Variants in CRISP2 observed in about 807,000 individuals in gnomAD.
The protein encoded by CRISP2 is cysteine rich secretory protein 2, also known as cysteine-rich secretory protein 2.
A neutral mutation model predicts 31.7 loss-of-function variants in CRISP2; 29 were observed. The observed-to-expected ratio is 0.92, with a 90% CI of 0.68 to 1.25. The LOEUF (loss-of-function observed/expected upper bound fraction) is 1.25. CRISP2 is among the 50% of genes most tolerant of loss of function. CRISP2 has a pLI of 0.00. For synonymous variants in CRISP2, 111 were observed against 101.4 expected (o/e 1.09, Z -0.57); for missense variants, 318 against 286.5 (o/e 1.11, Z -0.79).
chr6:49,681,539 A>G, the CRISP2 span, among the ~76,000 whole-genome samples: 1 of 152,342 alleles, frequency 6.6e-6, no homozygotes, highest in African/African-American at 2.4e-5. Context: ...GTGGGCAATA[A>G]CATATAGATT....
At chr6:49,688,879 T>C (rs978123394), downstream of CRISP2, among the ~76,000 whole-genome samples, 2 of 152,154 alleles carry the variant, frequency 1.3e-5, no homozygotes, top group African/African-American at 4.8e-5. Flanking sequence ...CTTTTATTTT[T>C]TTGGGGGGGA....
chr6:49,706,005 A>G lies in CRISP2; in HGVS notation c.66+3126T>C, dbSNP rs527713810. Among the ~76,000 whole-genome samples the G allele has an allele frequency of 1.0e-3, 158 of 152,298 alleles. 2 individuals carry two copies. The highest frequency in any genetic ancestry group is 3.6e-3 in the African/African-American group (150 of 41,570). On this transcript the variant is annotated intron_variant, in intron 4 of 9. Transcript: ENST00000339139. ...AAAAGTTCATGATGTGAATCTCCAC[A>G]TATTGTTCTGTTTATCCAAGTGGCA...
the CRISP2 span, among the ~76,000 whole-genome samples, chr6:49,677,056 C>A: frequency 6.6e-6 from 1 of 152,022 alleles, no homozygotes; most frequent in Non-Finnish European, 1.5e-5. Flanking sequence ...AGGAAGAGGA[C>A]GAAAGGGCAA....
intron 9 of CRISP2, among the ~76,000 whole-genome samples, chr6:49,695,100 G>A (rs1764531341): frequency 6.6e-6 from 1 of 152,112 alleles, no homozygotes; most frequent in Admixed American, 6.6e-5. Context: ...CAGTGATGGT[G>A]TCAACTTTAT....
intron 4 of CRISP2, among the ~76,000 whole-genome samples, chr6:49,708,395 G>C (rs756272769): frequency 6.6e-6 from 1 of 152,160 alleles, no homozygotes; most frequent in Admixed American, 6.5e-5. Context: ...AAAAGTCTTC[G>C]CAGATGTAAT....
Position 49,709,118 on chromosome 6 carries a change from AT to A in CRISP2, c.66+12del. On this transcript the variant is annotated intron_variant, in intron 4 of 9. Coordinates refer to ENST00000339139, the MANE Select transcript of CRISP2 (RefSeq NM_003296.4). ...CTGGATAGCTCTGAAAAGATTTTCC[AT>A]TTTAACCTTACCTTTCCTTCTGCAG... 4 of 1,612,976 alleles carry A rather than the reference AT, an allele frequency of 2.5e-6. No homozygotes were observed. Among genetic ancestry groups the A allele is most frequent in the Non-Finnish European group, 3.4e-6 (4 of 1,179,106 alleles).
Position 49,697,873 on chromosome 6 carries a change from G to A in CRISP2, c.502C>T (p.Gln168Ter), listed in dbSNP as rs545512799. The change falls in exon 8 of 10, where the codon CAA (glutamine) becomes TAA (stop). Residue 168 changes from glutamine (Q) to a stop codon, truncating the protein, a stop_gained. Coordinates refer to ENST00000339139, the MANE Select transcript of CRISP2 (RefSeq NM_003296.4). LOFTEE classifies it high-confidence loss of function. The part of the protein sequence containing the change: ...QDSLKYYYVC[Q>*]YCPAGNNMNR... ...CAGTCTACTTACGCAGGACAATATT[G>A]GCAAACATAGTAGTATTTTAGACTA... 6 of 1,611,436 alleles carry A rather than the reference G, an allele frequency of 3.7e-6. 1 individual carries two copies. In the East Asian group the frequency reaches 1.3e-4, roughly 36 times the overall value.
intron 4 of CRISP2, among the ~76,000 whole-genome samples, chr6:49,705,227 G>A (rs956992570): frequency 2.6e-5 from 4 of 152,004 alleles, no homozygotes; most frequent in Non-Finnish European, 5.9e-5. Context: ...GGCCAATGGA[G>A]TTATGTTCCA....
At chr6:49,682,561 CTCTTTCTTTCTTTT>C in the CRISP2 span, among the ~76,000 whole-genome samples, 420 of 105,844 alleles carry the variant, frequency 4.0e-3, 5 homozygotes, top group Non-Finnish European at 6.1e-3. Flanking sequence ...CTCCATCTTT[CTCTTTCTTTCTTTT>C]TCTTTCTTTC....
Position 49,692,913 on chromosome 6 carries a change from C to A in CRISP2, c.605-13G>T, listed in dbSNP as rs762716256. The A allele has an allele frequency of 3.7e-6, 6 of 1,612,294 alleles. No individual in the cohort carries two copies. The East Asian group carries it at 8.9e-5, about 24-fold the overall frequency. ...TGGCAACTATTGGCTGTAACAAAAA[C>A]AGATTAGTTAACTCATTATCGTTTT... On this transcript the variant is annotated splice_polypyrimidine_tract_variant and intron_variant, in intron 9 of 9. Coordinates refer to ENST00000339139, the MANE Select transcript of CRISP2 (RefSeq NM_003296.4).
intron 3 of CRISP2, 36 bp from the exon 4 acceptor site, chr6:49,709,241 T>C (rs73439865): frequency 1.0e-5 from 16 of 1,599,370 alleles, no homozygotes; most frequent in East Asian, 2.2e-5. Context: ...CATTGAAATA[T>C]GTAGTTTAAA....
At chr6:49,693,680 C>T (rs1561859640) in intron 9 of CRISP2, among the ~76,000 whole-genome samples, 1 of 152,194 alleles carries the variant, frequency 6.6e-6, no homozygotes, top group Non-Finnish European at 1.5e-5. Flanking sequence ...TATAGCCTGT[C>T]TTCAAGCTCA....
intron 6 of CRISP2, among the ~76,000 whole-genome samples, chr6:49,698,964 A>T (rs187634429): frequency 6.6e-6 from 1 of 152,238 alleles, no homozygotes; most frequent in East Asian, 1.9e-4. Context: ...TGTCTTTAAG[A>T]GTCCCAATCA....
chr6:49,682,577 CTTTCTTTCTTT>C, the CRISP2 span, among the ~76,000 whole-genome samples: 4 of 97,892 alleles, frequency 4.1e-5, no homozygotes, highest in African/African-American at 1.6e-4. Flanking sequence ...CTTTCTTTTT[CTTTCTTTCTTT>C]TTCTTTCTTT....
In CRISP2 at chr6:49,693,491, C is replaced by G. The variant is rs1002137621; in HGVS notation, c.605-591G>C. Among the ~76,000 whole-genome samples the G allele has an allele frequency of 1.1e-4, 16 of 152,138 alleles. No individual in the cohort carries two copies. The East Asian group carries it at 3.1e-3, about 29-fold the overall frequency. On this transcript the variant is annotated intron_variant, in intron 9 of 9. Coordinates refer to ENST00000339139, the MANE Select transcript of CRISP2 (RefSeq NM_003296.4). ...ATAAAAGTGTAAAACAAGGACAATA[C>G]GCCCTTTTCCTTTTGATGTTTCTAC...
At chr6:49,704,709 A>G (rs12524309) in intron 4 of CRISP2, among the ~76,000 whole-genome samples, 2,724 of 152,262 alleles carry the variant, frequency 0.018, 249 homozygotes, top group Admixed American at 0.16. Flanking sequence ...ATCTTCAGGT[A>G]TCTCAGCCAT....
At chr6:49,710,318 T>C (rs1036885634) in intron 3 of CRISP2, among the ~76,000 whole-genome samples, 1 of 152,154 alleles carries the variant, frequency 6.6e-6, no homozygotes, top group African/African-American at 2.4e-5. Flanking sequence ...ATTTATATTG[T>C]ATGGATGATG....
downstream of CRISP2, among the ~76,000 whole-genome samples, chr6:49,691,571 C>T (rs1012878980): frequency 5.3e-5 from 8 of 151,972 alleles, no homozygotes; most frequent in Non-Finnish European, 8.8e-5. Context: ...CATCTATGCT[C>T]ATGATAGCGA....
chr6:49,711,370 CAT>C (rs1208145488), intron 2 of CRISP2, 49 bp from the exon 3 acceptor site: 1 of 152,154 alleles, frequency 6.6e-6, no homozygotes, highest in Non-Finnish European at 1.5e-5. Flanking sequence ...ATATATTACA[CAT>C]ATTCCTGTTT....
Sources: allele counts gnomAD v4.1 joint callset (sites outside exome capture counted in the v4.1 genomes callset), GRCh38; gene constraint gnomAD v4.1.1; transcripts MANE v1.5; gene names NCBI Gene and HGNC (gene_info 2026-07-23, HGNC 2026-07-21).